Variants in RAPGEF6 observed in about 807,000 individuals in gnomAD.
RAPGEF6 encodes the protein PDZ domain containing guanine nucleotide exchange factor (GEF) 2.
In RAPGEF6, 56 loss-of-function variants were observed where a neutral mutation model predicts 171.4. The ratio of observed to expected loss-of-function variants is 0.33; its 90% CI spans 0.26 to 0.41. The LOEUF is 0.41. RAPGEF6 is among the 10% of genes least tolerant of loss of function. RAPGEF6 has a pLI of 1.00. For synonymous variants in RAPGEF6, 692 were observed against 650.1 expected, an observed-to-expected ratio of 1.06 and a Z score of -0.98; for missense variants, 1,674 against 1,921.4, an observed-to-expected ratio of 0.87 and a Z score of 2.41.
At position 131,492,567 on chromosome 5, in the gene RAPGEF6, T is replaced by G. The variant is rs1756353421; in HGVS notation, c.1731+15A>C. ...TTAAGAAGGCTTGAATATAAGTGGTTGGTTATTTCCTTACCTGATCACCAC... is the reference window on the plus strand; with the variant it reads ...TTAAGAAGGCTTGAATATAAGTGGTGGGTTATTTCCTTACCTGATCACCAC... On this transcript the variant is annotated intron_variant, in intron 14 of 27. Transcript: ENST00000509018. The G allele has an allele frequency of 1.9e-6, 3 of 1,612,584 alleles. No homozygotes were observed. Among genetic ancestry groups the G allele is most frequent in the Non-Finnish European group, 2.5e-6 (3 of 1,178,556 alleles).
At position 131,506,291 on chromosome 5, in the gene RAPGEF6, C is replaced by A. The variant is rs771732746; in HGVS notation, c.943-769G>T. Among the ~76,000 whole-genome samples, 5 of 152,162 alleles carry A rather than the reference C, an allele frequency of 3.3e-5. No individual in the cohort carries two copies. In the East Asian group the frequency reaches 9.6e-4, roughly 29 times the overall value. ...GAATAGCTGGGACTACAGGTGTCCA[C>A]CACCATGCTTGGTCAATTTATTTTT... On this transcript the variant is annotated intron_variant, in intron 9 of 27. Coordinates refer to ENST00000509018, the MANE Select transcript of RAPGEF6 (RefSeq NM_016340.6).
At chr5:131,491,887 G>C (rs1756305948) in intron 14 of RAPGEF6, among the ~76,000 whole-genome samples, 1 of 152,152 alleles carries the variant, frequency 6.6e-6, no homozygotes, top group Non-Finnish European at 1.5e-5. Flanking sequence ...AGAGAGCTTT[G>C]TTAAAAATAC....
chr5:131,568,101 T>C (rs762927632), intron 4 of RAPGEF6, among the ~76,000 whole-genome samples: 9 of 152,200 alleles, frequency 5.9e-5, no homozygotes, highest in Admixed American at 1.3e-4. Flanking sequence ...CAGCAGATAA[T>C]AGGATTTTGA....
intron 19 of RAPGEF6, among the ~76,000 whole-genome samples, chr5:131,458,042 A>C (rs1753641199): frequency 6.6e-6 from 1 of 152,218 alleles, no homozygotes; most frequent in Non-Finnish European, 1.5e-5. Flanking sequence ...AGAAAACTTA[A>C]GGATCCCATT....
chr5:131,588,863 A>G (rs1482362806), intron 4 of RAPGEF6, among the ~76,000 whole-genome samples: 1 of 152,124 alleles, frequency 6.6e-6, no homozygotes, highest in African/African-American at 2.4e-5. Flanking sequence ...ACTTGAGGTC[A>G]AGAGTTTGAG....
At chr5:131,469,934 A>C (rs970811139) in intron 17 of RAPGEF6, 51 of 714,408 alleles carry the variant, frequency 7.1e-5, no homozygotes, top group South Asian at 2.2e-4. Context: ...TGAAGGATAA[A>C]TATAGGTAAG....
At chr5:131,621,877 C>T (rs1765614495) in intron 1 of RAPGEF6, among the ~76,000 whole-genome samples, 1 of 152,146 alleles carries the variant, frequency 6.6e-6, no homozygotes, top group Non-Finnish European at 1.5e-5. Context: ...ACCCTTTGCT[C>T]TTCTCCCCCA....
In RAPGEF6 at chr5:131,472,141, G is replaced by A. The variant is rs192389822; in HGVS notation, c.2239+446C>T. 264 of 194,324 alleles carry A rather than the reference G, an allele frequency of 1.4e-3. 3 individuals are homozygous for A. The highest frequency in any genetic ancestry group is 6.1e-3 in the African/African-American group (252 of 41,492). 12.0% of individuals were successfully genotyped at this position (194,324 alleles called of 1,614,324 possible). On this transcript the variant is annotated intron_variant, in intron 17 of 27. Transcript: ENST00000509018. ...GGCTGGAGTGCAGTGGTCCGATCTC[G>A]GCTCACTGCAAGCTCTGCCTCCCGG...
In RAPGEF6 at chr5:131,521,516, T is replaced by A. The variant is rs1758476385; in HGVS notation, c.501A>T (p.Pro167=). ...DVEVNSYLSL[P]ADLTKMHLTE... ...TGAGATGCATCTTGGTAAGATCAGCTGGAAGCTGAAAAAAAAAATAATTTA... is the reference window on the plus strand; with the variant it reads ...TGAGATGCATCTTGGTAAGATCAGCAGGAAGCTGAAAAAAAAAATAATTTA... Residue 167 remains proline, a synonymous_variant, in exon 7 of 28, where the codon CCA becomes CCT. Coordinates refer to ENST00000509018, the MANE Select transcript of RAPGEF6 (RefSeq NM_016340.6). The A allele has an allele frequency of 6.3e-7, 1 of 1,597,170 alleles. No individual in the cohort carries two copies. The highest frequency in any genetic ancestry group is 8.5e-7 in the Non-Finnish European group (1 of 1,174,508).
intron 21 of RAPGEF6, among the ~76,000 whole-genome samples, chr5:131,449,801 T>C (rs139288392): frequency 2.4e-4 from 36 of 152,112 alleles, no homozygotes; most frequent in African/African-American, 8.7e-4. Flanking sequence ...TAAATCAAAA[T>C]CTAAAAAGGA....
chr5:131,462,128 T>C, intron 18 of RAPGEF6, 40 bp from the exon 19 acceptor site: 2 of 1,324,130 alleles, frequency 1.5e-6, no homozygotes, highest in Non-Finnish European at 2.0e-6. Flanking sequence ...TATTCATAAA[T>C]ATGATTAAAT....
chr5:131,516,230 G>A (rs1758075621), intron 7 of RAPGEF6, among the ~76,000 whole-genome samples: 4 of 151,914 alleles, frequency 2.6e-5, no homozygotes, highest in South Asian at 4.2e-4. Context: ...TGGTGCATGC[G>A]CCACCGCACG....
chr5:131,453,257 AG>A (rs1753231259), intron 20 of RAPGEF6, 80 bp from the exon 21 acceptor site: 10 of 1,478,792 alleles, frequency 6.8e-6, no homozygotes, highest in Non-Finnish European at 9.0e-6. Context: ...GGTAATCTTG[AG>A]GGGCACAAAG....
chr5:131,528,324 TATATATATATATATACACACAC>T (rs1759108966), intron 6 of RAPGEF6, among the ~76,000 whole-genome samples: 1 of 23,026 alleles, frequency 4.3e-5, no homozygotes, highest in African/African-American at 7.6e-5. Context: ...TATATATATA[TATATATATATATATACACACAC>T]ACACACATAT....
chr5:131,569,602 A>C (rs1762152834), intron 4 of RAPGEF6, among the ~76,000 whole-genome samples: 1 of 152,246 alleles, frequency 6.6e-6, no homozygotes, highest in African/African-American at 2.4e-5. Context: ...CTAAATTTTA[A>C]AACTTTTAGA....
chr5:131,559,198 G>A lies in RAPGEF6; in HGVS notation c.351+2780C>T, dbSNP rs570112454. Among the ~76,000 whole-genome samples, 18 of 152,100 alleles carry A rather than the reference G, an allele frequency of 1.2e-4. No individual in the cohort carries two copies. The Middle Eastern group carries it at 0.014, about 115-fold the overall frequency. On this transcript the variant is annotated intron_variant, in intron 5 of 27. Transcript: ENST00000509018. ...ACAAAAATTAGCTGCACGTGGTGGCGCACACCTGTAATCCCAGCTACCTGG... is the reference window on the plus strand; with the variant it reads ...ACAAAAATTAGCTGCACGTGGTGGCACACACCTGTAATCCCAGCTACCTGG...
chr5:131,528,311 T>TAC (rs1287931674), intron 6 of RAPGEF6, among the ~76,000 whole-genome samples: 1 of 33,710 alleles, frequency 3.0e-5, no homozygotes, highest in Non-Finnish European at 7.3e-5. Context: ...AATATATTTA[T>TAC]ATTATATATA....
chr5:131,513,962 A>C (rs1561526187), intron 7 of RAPGEF6, among the ~76,000 whole-genome samples: 1 of 152,196 alleles, frequency 6.6e-6, no homozygotes, highest in Non-Finnish European at 1.5e-5. Context: ...TTGGAGGCAG[A>C]GGCTGCAGTG....
In RAPGEF6 at chr5:131,479,505, T is replaced by C. The variant is rs1341829114; in HGVS notation, c.2081+8A>G. The C allele has an allele frequency of 1.9e-6, 3 of 1,613,494 alleles. No individual in the cohort carries two copies. The highest frequency in any genetic ancestry group is 1.7e-5 in the Admixed American group (1 of 60,004). On this transcript the variant is annotated splice_region_variant and intron_variant, in intron 16 of 27. Coordinates refer to ENST00000509018, the MANE Select transcript of RAPGEF6 (RefSeq NM_016340.6). The stretch of plus-strand genomic sequence containing the variant: ...AATTCCTGCATAGCTAAGATCGGCA[T>C]TACCTACCTAAATAGCTTTGGAGGC...
Sources: allele counts gnomAD v4.1 joint callset (sites outside exome capture counted in the v4.1 genomes callset), GRCh38; gene constraint gnomAD v4.1.1; transcripts MANE v1.5; gene names NCBI Gene and HGNC (gene_info 2026-07-23, HGNC 2026-07-21).